Variants in ITIH4 observed in about 807,000 individuals in gnomAD.
The protein encoded by ITIH4 is inter-alpha-trypsin inhibitor heavy chain H4.
In ITIH4, 79 loss-of-function variants were observed where a neutral mutation model predicts 111.8. The ratio of observed to expected loss-of-function variants is 0.71; its 90% confidence interval spans 0.59 to 0.85. The LOEUF is 0.85. Among genes scored for constraint, ITIH4 ranks in the 40% least tolerant of loss-of-function variants. The pLI is 0.00. For synonymous variants in ITIH4, 472 were observed against 468.3 expected (o/e 1.01, Z -0.10); for missense variants, 1,065 against 1,195.8 (o/e 0.89, Z 1.61).
chr3:52,819,238 G>T, intron 17 of ITIH4, 155 bp downstream of exon 17: 1 of 797,334 alleles, frequency 1.3e-6, no homozygotes, highest in Non-Finnish European at 2.0e-6. Flanking sequence ...AATGATCCCA[G>T]GTTGAACTGA....
intron 21 of ITIH4, among the ~76,000 whole-genome samples, chr3:52,815,246 C>CTTTTTT (rs59772931): frequency 7.2e-6 from 1 of 139,120 alleles, no homozygotes; most frequent in Non-Finnish European, 1.5e-5. Flanking sequence ...TTTCTTTTTT[C>CTTTTTT]TTTTTTTTTT....
chr3:52,820,432 G>A (rs1282487185), intron 13 of ITIH4, 115 bp from the exon 14 acceptor site: 1 of 1,261,656 alleles, frequency 7.9e-7, no homozygotes, highest in African/African-American at 1.5e-5. Flanking sequence ...CCCAATCCTG[G>A]ACTATATCGT....
rs1311516925 is a variant in ITIH4, at chr3:52,813,443, GA to G, written c.2770del (p.Ser924ProfsTer46). The G allele has an allele frequency of 5.6e-6, 9 of 1,613,992 alleles. No individual in the cohort carries two copies. The African/African-American group carries it at 1.1e-4, about 19-fold the overall frequency. On this transcript the variant is annotated frameshift_variant, in exon 24 of 24. Coordinates refer to ENST00000266041, the MANE Select transcript of ITIH4 (RefSeq NM_002218.5). LOFTEE classifies it high-confidence loss of function. ...GAACTACAGCTCCACAGACCAGCAG[GA>G]AATCTCCACTCCCGGGGGCCCCTCC... ...YQEGPPGVEI[S>X]CWSVEL
At position 52,820,658 on chromosome 3, in the gene ITIH4, G is replaced by A. The variant is rs1235215104; in HGVS notation, c.1807C>T (p.Gln603Ter). 6.2e-7 allele frequency: 1 copy of A among 1,613,122 alleles called. No individual in the cohort carries two copies. The highest frequency in any genetic ancestry group is 8.5e-7 in the Non-Finnish European group (1 of 1,179,408). ...CCTTCCATGGGCTTCTCAGCAACTT[G>A]AGACTGCTCTTGGTCATCGGGTTTG... ...VTKPDDQEQS[Q>*]VAEKPMEGES... Residue 603 changes from glutamine to a stop codon, truncating the protein, a stop_gained, in exon 13 of 24, where the codon CAA becomes TAA. Coordinates refer to ENST00000266041, the MANE Select transcript of ITIH4 (RefSeq NM_002218.5). LOFTEE classifies it high-confidence loss of function.
rs1231732205 is a variant in ITIH4, at chr3:52,818,520, TG to T, written c.2093del (p.Pro698HisfsTer15). 1 of 1,605,250 alleles carries T rather than the reference TG, an allele frequency of 6.2e-7. No individual in the cohort carries two copies. The highest frequency in any genetic ancestry group is 8.5e-7 in the Non-Finnish European group (1 of 1,175,830). On this transcript the variant is annotated frameshift_variant, in exon 18 of 24. Transcript: ENST00000266041. LOFTEE classifies it high-confidence loss of function. ...RRLAILPASA[P>X]PATSNPDPAV... ...CTGGATCAGGATTTGAGGTGGCTGG[TG>T]GTGCTGAAGCAGGCACTAGGGCAGG...
rs1293414298 is a variant in ITIH4 at position 52,820,281 on chromosome 3, C to T, written c.1861+10G>A. ...ACCCAGCACAGCCTTTGAGGATGTTCGCTGCTTACCTGAGTGGACATTCCT... is the reference window on the plus strand; with the variant it reads ...ACCCAGCACAGCCTTTGAGGATGTTTGCTGCTTACCTGAGTGGACATTCCT... On this transcript the variant is annotated intron_variant, in intron 14 of 23. Transcript: ENST00000266041. 16 of 1,614,036 alleles carry T rather than the reference C, an allele frequency of 9.9e-6. No homozygotes were observed. Among genetic ancestry groups the T allele is most frequent in the African/African-American group, 1.3e-5 (1 of 75,052 alleles).
In ITIH4 at chr3:52,823,869, A is replaced by C. The variant is rs1700436285; in HGVS notation, c.1307T>G (p.Leu436Arg). 1 of 1,613,782 alleles carries C rather than the reference A, an allele frequency of 6.2e-7. No individual in the cohort carries two copies. Among genetic ancestry groups the C allele is most frequent in the East Asian group, 2.2e-5 (1 of 44,862 alleles). Residue 436 changes from leucine (L) to arginine (R), a missense_variant, in exon 10 of 24, where the codon CTG becomes CGG. Transcript: ENST00000266041. Reference protein sequence around the residue: ...LEKLALDNGGLARRIHEDSDS... With the variant: ...LEKLALDNGGRARRIHEDSDS... ...TGAGTCCTCATGGATGCGCCGGGCC[A>C]GGCCGCCATTGTCCAGTGCCAGCTT...
At chr3:52,825,528 T>C (rs1700467417) in intron 6 of ITIH4, among the ~76,000 whole-genome samples, 1 of 151,614 alleles carries the variant, frequency 6.6e-6, no homozygotes, top group Non-Finnish European at 1.5e-5. Context: ...AACCTGGGAG[T>C]TTGACGGTGC....
At chr3:52,813,862 T>A in intron 23 of ITIH4, 113 bp downstream of exon 23, 1 of 811,296 alleles carries the variant, frequency 1.2e-6, no homozygotes, top group Admixed American at 2.1e-5. Context: ...TCCACCGGAC[T>A]GTGTCTAGTT....
Position 52,823,922 on chromosome 3 carries a change from A to T in ITIH4, c.1254T>A (p.Gly418=). The T allele has an allele frequency of 1.2e-6, 2 of 1,610,056 alleles. No homozygotes were observed. Among genetic ancestry groups the T allele is most frequent in the Non-Finnish European group, 1.7e-6 (2 of 1,178,300 alleles). Residue 418 remains glycine, a synonymous_variant, in exon 10 of 24, where the codon GGT becomes GGA. Coordinates refer to ENST00000266041, the MANE Select transcript of ITIH4 (RefSeq NM_002218.5). The stretch of plus-strand genomic sequence containing the variant: ...CCAGGAAGGCATAGCTGACGTCGAA[A>T]CCGAAGCCCAGGCAGAAGAGGCTGT... The part of the protein sequence containing the change: ...GRYSLFCLGF[G]FDVSYAFLEK...
At position 52,813,424 on chromosome 3, in the gene ITIH4, C is replaced by T; in HGVS notation, c.2790G>A (p.Leu930=). 1.2e-6 allele frequency: 2 copies of T among 1,614,066 alleles called. No individual in the cohort carries two copies. Among genetic ancestry groups the T allele is most frequent in the Non-Finnish European group, 1.7e-6 (2 of 1,179,928 alleles). Residue 930 remains leucine (L), a synonymous_variant, in exon 24 of 24, where the codon CTG becomes CTA. Transcript: ENST00000266041. ...GGCACAGCTCCTTCCATCAGAACTA[C>T]AGCTCCACAGACCAGCAGGAAATCT... ...GVEISCWSVE[L]
Position 52,817,031 on chromosome 3 carries a change from C to T in ITIH4, c.2324G>A (p.Arg775Lys). 6.2e-7 allele frequency: 1 copy of T among 1,613,860 alleles called. No individual in the cohort carries two copies. Among genetic ancestry groups the T allele is most frequent in the Non-Finnish European group, 8.5e-7 (1 of 1,179,900 alleles). ...QGVEVTGQYEREKAGFSWIEV... is the reference protein window; with the variant it reads ...QGVEVTGQYEKEKAGFSWIEV... The stretch of plus-strand genomic sequence containing the variant: ...GATCCATGAGAACCCAGCCTTCTCC[C>T]TCTCATACTGGCCAGTCACCTCAAC... Residue 775 changes from arginine to lysine, a missense_variant, in exon 21 of 24, where the codon AGG becomes AAG. Physicochemically the swap from Arg to Lys is conservative, Grantham distance 26 (BLOSUM62 2). Coordinates refer to ENST00000266041, the MANE Select transcript of ITIH4 (RefSeq NM_002218.5).
At position 52,819,481 on chromosome 3, in the gene ITIH4, C is replaced by A. The variant is rs746159081; in HGVS notation, c.1989G>T (p.Gly663=). 3 of 1,614,002 alleles carry A rather than the reference C, an allele frequency of 1.9e-6. No homozygotes were observed. The African/African-American group carries it at 4.0e-5, about 22-fold the overall frequency. Residue 663 remains glycine (G), a synonymous_variant, in exon 17 of 24, where the codon GGG becomes GGT. Coordinates refer to ENST00000266041, the MANE Select transcript of ITIH4 (RefSeq NM_002218.5). ...GTCCAAGTTGCCTGGAGCTGAGAAC[C>A]CCAGGTCTGAAATTCATCCGGGAGC... The part of the protein sequence containing the change: ...AAGSRMNFRP[G]VLSSRQLGLP...
In ITIH4 at chr3:52,824,055, G is replaced by T; in HGVS notation, c.1172-51C>A. 1 of 1,544,666 alleles carries T rather than the reference G, an allele frequency of 6.5e-7. No individual in the cohort carries two copies. The highest frequency in any genetic ancestry group is 8.7e-7 in the Non-Finnish European group (1 of 1,144,416). ...GTGAGAAAATAGTGATTTGCTTGAA[G>T]AATATTTCTGGAACCTCAGAGCCGA... On this transcript the variant is annotated intron_variant, in intron 9 of 23. Transcript: ENST00000266041. The surrounding 1 kb of genome is among the most constrained non-coding windows in gnomAD (Gnocchi z 4.3).
At chr3:52,813,529 A>C (rs1700226050) in intron 23 of ITIH4, 39 bp from the exon 24 acceptor site, 2 of 1,575,788 alleles carry the variant, frequency 1.3e-6, no homozygotes, top group Admixed American at 1.7e-5. Context: ...GGTGGTCAGC[A>C]AATCTCAGGT....
intron 22 of ITIH4, 52 bp downstream of exon 22, chr3:52,814,157 A>G: frequency 6.2e-7 from 1 of 1,606,444 alleles, no homozygotes; most frequent in Non-Finnish European, 8.5e-7. Context: ...GCCTGTTCCC[A>G]AGCACAGCTG....
intron 11 of ITIH4, among the ~76,000 whole-genome samples, chr3:52,822,648 T>C (rs150719658): frequency 3.0e-3 from 460 of 152,310 alleles, no homozygotes; most frequent in Non-Finnish European, 5.8e-3. Context: ...GTCTCCTATC[T>C]GGGAGGTGGC....
chr3:52,815,053 C>T (rs535657256), intron 21 of ITIH4, among the ~76,000 whole-genome samples: 9 of 152,260 alleles, frequency 5.9e-5, no homozygotes, highest in South Asian at 2.1e-4. Flanking sequence ...CTCATTCTGT[C>T]TCCTCAGATT....
At chr3:52,820,262 C>T (rs372532138) in intron 14 of ITIH4, 29 bp downstream of exon 14, 1 of 1,613,836 alleles carries the variant, frequency 6.2e-7, no homozygotes, top group African/African-American at 1.3e-5. Flanking sequence ...CACCACCCAG[C>T]ACAGCCTTTG....
Sources: allele counts gnomAD v4.1 joint callset (sites outside exome capture counted in the v4.1 genomes callset), GRCh38; gene constraint gnomAD v4.1.1; non-coding constraint Gnocchi (gnomAD v3.1); transcripts MANE v1.5; gene names NCBI Gene and HGNC (gene_info 2026-07-23, HGNC 2026-07-21).